FRMD4A: variants seen among roughly 807,000 people sequenced by gnomAD.
FRMD4A encodes FERM domain containing 4A, also known as FERM domain-containing protein 4A.
FRMD4A carries 29 observed loss-of-function variants against 129.1 expected under a neutral mutation model. The observed-to-expected ratio is 0.22, with a 90% CI of 0.17 to 0.31. FRMD4A has a LOEUF of 0.31. Ranked by LOEUF, FRMD4A falls within the 10% of genes least tolerant of loss-of-function variation. FRMD4A has a pLI of 1.00. For missense variants in FRMD4A, 1,272 were observed against 1,375.8 expected (o/e 0.92, Z 1.19); for synonymous variants, 634 against 571.6 (o/e 1.11, Z -1.56).
chr10:13,784,309 C>T (rs1247268983), intron 5 of FRMD4A, among the ~76,000 whole-genome samples: 1 of 152,182 alleles, frequency 6.6e-6, no homozygotes, highest in African/African-American at 2.4e-5. Context: ...GGCTTCTGTT[C>T]TTCAGACCGT....
At chr10:13,844,529 C>T (rs967025903) in intron 3 of FRMD4A, among the ~76,000 whole-genome samples, 2 of 152,080 alleles carry the variant, frequency 1.3e-5, no homozygotes, top group South Asian at 2.1e-4. Context: ...TACCAACATC[C>T]GGCCCACTTT....
rs576033433 is a variant in FRMD4A, at chr10:14,202,216, A to G, written c.45+127842T>C. Among the ~76,000 whole-genome samples, 13 of 151,960 alleles carry G rather than the reference A, an allele frequency of 8.6e-5. No homozygotes were observed. The South Asian group carries it at 2.7e-3, about 32-fold the overall frequency. On this transcript the variant is annotated intron_variant, in intron 2 of 24. Coordinates refer to ENST00000357447, the MANE Select transcript of FRMD4A (RefSeq NM_018027.5). ...CAGTGGTGTGCTGCAAGACAGTGGC[A>G]GGCAGGAGTGCAGAGCCAGGCAGAA...
intron 2 of FRMD4A, among the ~76,000 whole-genome samples, chr10:13,977,914 T>C (rs2095547718): frequency 6.6e-6 from 1 of 152,264 alleles, no homozygotes; most frequent in African/African-American, 2.4e-5. Flanking sequence ...ATGTGGGTTG[T>C]TCCCACTCTC....
chr10:13,897,985 G>A (rs2094777485), intron 2 of FRMD4A, among the ~76,000 whole-genome samples: 2 of 150,848 alleles, frequency 1.3e-5, no homozygotes, highest in South Asian at 4.2e-4. Flanking sequence ...GCACAGCAAA[G>A]GATCCTGGAG....
intron 6 of FRMD4A, among the ~76,000 whole-genome samples, chr10:13,767,887 A>G (rs961014521): frequency 6.6e-6 from 1 of 152,166 alleles, no homozygotes; most frequent in African/African-American, 2.4e-5. Context: ...TCTGGTGGGC[A>G]TGGAATAATT....
At chr10:14,295,961 C>A (rs1845994617) in intron 2 of FRMD4A, among the ~76,000 whole-genome samples, 1 of 152,156 alleles carries the variant, frequency 6.6e-6, no homozygotes, top group Non-Finnish European at 1.5e-5. Context: ...CATGTTATGA[C>A]TCTCTTTGCC....
intron 2 of FRMD4A, among the ~76,000 whole-genome samples, chr10:14,165,686 G>A (rs1410627993): frequency 6.6e-6 from 1 of 152,184 alleles, no homozygotes; most frequent in Non-Finnish European, 1.5e-5. Flanking sequence ...TAAAAAGAAT[G>A]AATCATGTCC....
At chr10:14,318,919 G>T (rs150159422) in intron 2 of FRMD4A, among the ~76,000 whole-genome samples, 4 of 152,196 alleles carry the variant, frequency 2.6e-5, no homozygotes, top group Non-Finnish European at 4.4e-5. Flanking sequence ...TGACTTCTGA[G>T]GCTAGGTTAT....
At chr10:14,103,319 G>T (rs1837407866) in intron 2 of FRMD4A, among the ~76,000 whole-genome samples, 1 of 152,200 alleles carries the variant, frequency 6.6e-6, no homozygotes, top group Admixed American at 6.5e-5. Flanking sequence ...ACCTAATGGG[G>T]TCTTAATAGA....
chr10:14,028,381 T>C (rs1031566432), intron 2 of FRMD4A, among the ~76,000 whole-genome samples: 4 of 152,156 alleles, frequency 2.6e-5, no homozygotes, highest in Non-Finnish European at 5.9e-5. Context: ...GAAATATGAA[T>C]GTAGAGCGTA....
intron 2 of FRMD4A, among the ~76,000 whole-genome samples, chr10:14,078,291 T>C (rs1413812484): frequency 6.6e-6 from 1 of 152,224 alleles, no homozygotes; most frequent in East Asian, 1.9e-4. Flanking sequence ...CATTAAGCTG[T>C]GTCCTTTGTC....
intron 2 of FRMD4A, among the ~76,000 whole-genome samples, chr10:14,038,286 G>C (rs892612257): frequency 5.9e-5 from 9 of 152,092 alleles, no homozygotes; most frequent in Non-Finnish European, 1.3e-4. Flanking sequence ...TCGCACCACT[G>C]CACTCCAGCC....
intron 2 of FRMD4A, among the ~76,000 whole-genome samples, chr10:14,014,297 AC>A (rs1258757887): frequency 6.6e-6 from 1 of 152,084 alleles, no homozygotes; most frequent in Non-Finnish European, 1.5e-5. Context: ...TAATACCCTG[AC>A]TCGATTATTA....
rs768960408 is a variant in FRMD4A at position 13,659,453 on chromosome 10, C to T, written c.1936G>A (p.Glu646Lys). Reference sequence around the variant, plus strand: ...AAGGAGTTGCTTCCTCCGCCGGCTTCCGCACAGCTTCCTGTGCTGGGGAAG... The same window carrying T: ...AAGGAGTTGCTTCCTCCGCCGGCTTTCGCACAGCTTCCTGTGCTGGGGAAG... ...KRFPSTGSCA[E>K]AGGGSNSLQN... The change falls in exon 21 of 25, where the codon GAA becomes AAA. Residue 646 changes from glutamate (E) to lysine (K), a missense_variant. Transcript: ENST00000357447. 4.3e-5 allele frequency: 69 copies of T among 1,613,656 alleles called. No homozygotes were observed. The highest frequency in any genetic ancestry group is 4.2e-6 in the Non-Finnish European group (5 of 1,179,978).
At chr10:14,164,147 C>A (rs954048370) in intron 2 of FRMD4A, among the ~76,000 whole-genome samples, 10 of 152,236 alleles carry the variant, frequency 6.6e-5, no homozygotes, top group African/African-American at 2.4e-4. Context: ...AGCCCAGCAG[C>A]GACATAGCTG....
intron 14 of FRMD4A, among the ~76,000 whole-genome samples, chr10:13,699,319 T>C (rs2086580946): frequency 6.7e-6 from 1 of 149,698 alleles, no homozygotes. Context: ...TCAAGTGATC[T>C]GCTCTCCTCG....
chr10:13,913,423 A>G (rs542377784), intron 2 of FRMD4A, among the ~76,000 whole-genome samples: 44 of 152,306 alleles, frequency 2.9e-4, no homozygotes, highest in African/African-American at 1.0e-3. Flanking sequence ...TAATAGATGA[A>G]TTGTATGGTT....
chr10:13,881,222 G>A (rs2094542745), intron 2 of FRMD4A, among the ~76,000 whole-genome samples: 1 of 144,044 alleles, frequency 6.9e-6, no homozygotes, highest in Non-Finnish European at 1.5e-5. Flanking sequence ...TTCAAGACCA[G>A]CCAAGGCAAT....
At chr10:14,062,998 C>T (rs1475807577) in intron 2 of FRMD4A, among the ~76,000 whole-genome samples, 5 of 152,120 alleles carry the variant, frequency 3.3e-5, no homozygotes, top group South Asian at 2.1e-4. Context: ...CTGATCCTAT[C>T]GACGTTGAAT....
Sources: gnomAD v4.1 joint callset for allele counts (sites outside exome capture counted in the v4.1 genomes callset) on GRCh38, gnomAD v4.1.1 for gene constraint, MANE v1.5 for transcripts, NCBI Gene and HGNC (gene_info 2026-07-23, HGNC 2026-07-21) for gene names.